The following SLC9A6 variants were observed in gnomAD, a reference collection of about 807,000 sequenced individuals.
SLC9A6 encodes the protein solute carrier family 9 member A6.
In SLC9A6, 6 loss-of-function variants were observed where a neutral mutation model predicts 45.3. That is an observed-to-expected ratio of 0.13 (90% CI 0.07 to 0.26). The LOEUF (loss-of-function observed/expected upper bound fraction) is 0.26. Among genes scored for constraint, SLC9A6 ranks in the 10% least tolerant of loss-of-function variants. The pLI is 1.00. For synonymous variants in SLC9A6, 191 were observed against 187.7 expected (o/e 1.02, Z -0.14); for missense variants, 278 against 503.7 (o/e 0.55, Z 4.29).
At chrX:135,990,138 A>G (rs2089408024) in intron 2 of SLC9A6, among the ~76,000 whole-genome samples, 1 of 110,679 alleles carries the variant, frequency 9.0e-6, no homozygotes, top group South Asian at 3.8e-4. Flanking sequence ...GGTGACCGCC[A>G]CCACGCCTGG....
intron 2 of SLC9A6, among the ~76,000 whole-genome samples, chrX:135,990,385 TTA>T (rs1187134228): frequency 8.9e-6 from 1 of 111,896 alleles, no homozygotes; most frequent in South Asian, 3.7e-4. Flanking sequence ...AGTTTCTGCT[TTA>T]GTCTCTTAAC....
chrX:135,990,796 T>TA lies in SLC9A6; in HGVS notation c.170-3981dup, dbSNP rs199753534. Among the ~76,000 whole-genome samples, 171 of 109,237 alleles carry TA rather than the reference T, an allele frequency of 1.6e-3. 1 individual carries two copies. In the East Asian group the frequency reaches 0.029, roughly 18 times the overall value. The allele number at this position is 109,237 out of a possible 115,157, so 94.9% of individuals were successfully genotyped here. A position where few individuals can be genotyped will look rare whatever the true frequency, so the allele number is the denominator to read the frequency against. On this transcript the variant is annotated intron_variant, in intron 2 of 17. Transcript: ENST00000630721. ...CTCAAAAATAAATAAATAAATAAAA[T>TA]AAAAAAAAAGAACCATGGTTGGGCT...
intron 2 of SLC9A6, among the ~76,000 whole-genome samples, chrX:135,991,261 C>T (rs1434878415): frequency 8.4e-5 from 1 of 11,866 alleles, no homozygotes; most frequent in Non-Finnish European, 2.5e-4. Context: ...GCAACTACTG[C>T]CTTTTTTTTT....
chrX:136,040,445 T>C (rs1569525914), intron 17 of SLC9A6, among the ~76,000 whole-genome samples: 1 of 112,409 alleles, frequency 8.9e-6, no homozygotes, highest in Non-Finnish European at 1.9e-5. Context: ...AATAGTTCTA[T>C]TTCCCTGCTG....
chrX:136,005,501 C>A (rs1052723380), intron 7 of SLC9A6, among the ~76,000 whole-genome samples: 1 of 111,939 alleles, frequency 8.9e-6, no homozygotes, highest in Admixed American at 9.4e-5. Context: ...GCCAACATGG[C>A]AAAACCCTGT....
At chrX:136,002,957 T>A (rs1248775229) in intron 7 of SLC9A6, among the ~76,000 whole-genome samples, 1 of 111,087 alleles carries the variant, frequency 9.0e-6, no homozygotes, top group Admixed American at 9.6e-5. Flanking sequence ...TCTGTCCTCA[T>A]CCACCTGTCC....
At chrX:135,994,460 T>C (rs1556616170) in intron 2 of SLC9A6, among the ~76,000 whole-genome samples, 1 of 111,518 alleles carries the variant, frequency 9.0e-6, no homozygotes, top group East Asian at 2.8e-4. Flanking sequence ...CATTGGAGCA[T>C]ATTCTGTCTA....
chrX:136,019,021 T>G (rs1442471997), intron 11 of SLC9A6, among the ~76,000 whole-genome samples: 1 of 111,323 alleles, frequency 9.0e-6, no homozygotes, highest in Non-Finnish European at 1.9e-5. Context: ...CTATACTTAG[T>G]CTGGAAACAA....
At chrX:136,017,430 A>AT (rs2071040726) in intron 11 of SLC9A6, among the ~76,000 whole-genome samples, 1 of 109,171 alleles carries the variant, frequency 9.2e-6, no homozygotes, top group Middle Eastern at 4.3e-3. Flanking sequence ...AAAAAAAAAA[A>AT]CCAAAAAACC....
At chrX:136,000,146 G>A (rs1474989068) in intron 6 of SLC9A6, among the ~76,000 whole-genome samples, 1 of 106,968 alleles carries the variant, frequency 9.3e-6, no homozygotes, top group South Asian at 4.3e-4. Context: ...AGCTACTTGG[G>A]AGGCTGAGGT....
At chrX:135,995,325 T>C (rs1762511462) in intron 3 of SLC9A6, among the ~76,000 whole-genome samples, 1 of 111,529 alleles carries the variant, frequency 9.0e-6, no homozygotes, top group African/African-American at 3.3e-5. Context: ...TTTTTCTTTC[T>C]TTATTTTATT....
chrX:136,033,584 G>T, intron 16 of SLC9A6, 91 bp downstream of exon 16: 1 of 517,068 alleles, frequency 1.9e-6, no homozygotes, highest in Non-Finnish European at 3.2e-6. Flanking sequence ...TTCTCTTCCT[G>T]GAGCAGAATA....
At chrX:135,987,585 A>C (rs2089359368) in intron 2 of SLC9A6, among the ~76,000 whole-genome samples, 2 of 110,796 alleles carry the variant, frequency 1.8e-5, no homozygotes, top group Admixed American at 9.6e-5. Context: ...GTAAAGGGCC[A>C]GGTAGTAATG....
chrX:136,038,508 T>C (rs1291935668), intron 16 of SLC9A6, among the ~76,000 whole-genome samples: 2 of 111,773 alleles, frequency 1.8e-5, no homozygotes, highest in Non-Finnish European at 3.8e-5. Context: ...TTTTTTCTTA[T>C]AGTGTCCTTG....
At chrX:136,038,435 T>C (rs183517533) in intron 16 of SLC9A6, among the ~76,000 whole-genome samples, 20 of 112,239 alleles carry the variant, frequency 1.8e-4, no homozygotes, top group Non-Finnish European at 3.2e-4. Flanking sequence ...TCTCTGGATT[T>C]AATTTGCTAA....
chrX:135,985,895 C>T (rs1305990808), intron 2 of SLC9A6, 68 bp downstream of exon 2: 21 of 1,137,226 alleles, frequency 1.8e-5, no homozygotes, highest in Middle Eastern at 2.4e-4. Context: ...TGCTTCGCCT[C>T]CTCTGCTGGC....
intron 11 of SLC9A6, among the ~76,000 whole-genome samples, chrX:136,020,648 G>A (rs1262522841): frequency 8.9e-6 from 1 of 112,087 alleles, no homozygotes; most frequent in Non-Finnish European, 1.9e-5. Flanking sequence ...TGGAATTACA[G>A]GCGTGAGCCA....
At chrX:136,041,177 A>G (rs1348387935) in intron 17 of SLC9A6, among the ~76,000 whole-genome samples, 1 of 111,886 alleles carries the variant, frequency 8.9e-6, no homozygotes, top group Non-Finnish European at 1.9e-5. Context: ...TTCAGAAATA[A>G]TCTATGACAT....
chrX:136,014,490 C>T (rs1450733251), intron 10 of SLC9A6, among the ~76,000 whole-genome samples: 4 of 112,896 alleles, frequency 3.5e-5, no homozygotes, highest in African/African-American at 1.3e-4. Flanking sequence ...ACAGGCCGGG[C>T]GCTGTGGCTC....
Sources: allele counts gnomAD v4.1 joint callset (sites outside exome capture counted in the v4.1 genomes callset), GRCh38; gene constraint gnomAD v4.1.1; transcripts MANE v1.5; gene names NCBI Gene and HGNC (gene_info 2026-07-23, HGNC 2026-07-21).